The following PDK1 variants were observed in gnomAD, a reference collection of about 807,000 sequenced individuals.
The protein encoded by PDK1 is [Pyruvate dehydrogenase (acetyl-transferring)] kinase isozyme 1, mitochondrial.
A neutral mutation model predicts 54.2 loss-of-function variants in PDK1; 39 were observed. The ratio of observed to expected loss-of-function variants is 0.72; its 90% CI spans 0.56 to 0.94. The LOEUF (loss-of-function observed/expected upper bound fraction) is 0.94. PDK1 is among the 40% of genes least tolerant of loss of function. PDK1 has a pLI of 0.00. For missense variants in PDK1, 552 were observed against 566.0 expected (o/e 0.98, Z 0.25); for synonymous variants, 221 against 207.1 (o/e 1.07, Z -0.58).
chr2:172,676,225 T>C, the PDK1 span, among the ~76,000 whole-genome samples: 1 of 152,158 alleles, frequency 6.6e-6, no homozygotes, highest in Non-Finnish European at 1.5e-5. Flanking sequence ...CTGCAGTCCA[T>C]GGATTCAGGA....
At chr2:172,645,260 CTTTTT>C in the PDK1 span, among the ~76,000 whole-genome samples, 67 of 51,128 alleles carry the variant, frequency 1.3e-3, no homozygotes, top group African/African-American at 3.5e-3. Context: ...ACAAAATAGG[CTTTTT>C]TTTTTTTTTT....
chr2:172,713,941 G>A, the PDK1 span, among the ~76,000 whole-genome samples: 3 of 152,194 alleles, frequency 2.0e-5, no homozygotes, highest in African/African-American at 7.2e-5. Context: ...TTCCTCACAA[G>A]AGCTGCACAG....
chr2:172,555,675 C>G (rs1280310302), upstream of PDK1: 1 of 152,616 alleles, frequency 6.6e-6, no homozygotes, highest in African/African-American at 2.4e-5. Flanking sequence ...CCGCCCTGTC[C>G]TTGAGCCTTT....
chr2:172,658,969 G>T, the PDK1 span, among the ~76,000 whole-genome samples: 4 of 152,234 alleles, frequency 2.6e-5, no homozygotes, highest in African/African-American at 4.8e-5. Flanking sequence ...CCTTTGCCTT[G>T]TGATCTTTAT....
At chr2:172,558,871 T>A in intron 2 of PDK1, 22 bp downstream of exon 2, 1 of 1,600,646 alleles carries the variant, frequency 6.2e-7, no homozygotes, top group Non-Finnish European at 8.5e-7. Flanking sequence ...ATCTTGTGTT[T>A]GCAATTTGAT....
the PDK1 span, among the ~76,000 whole-genome samples, chr2:172,680,394 T>G: frequency 6.6e-6 from 1 of 152,276 alleles, no homozygotes; most frequent in African/African-American, 2.4e-5. Flanking sequence ...CTCTGCTGCC[T>G]AGGCTGGAGT....
chr2:172,640,852 C>G, the PDK1 span, among the ~76,000 whole-genome samples: 1 of 152,174 alleles, frequency 6.6e-6, no homozygotes, highest in African/African-American at 2.4e-5. Context: ...CATGGATACA[C>G]AGTAGCCTTG....
At chr2:172,612,160 GTAAAGACCA>G (rs1177416972), downstream of PDK1, among the ~76,000 whole-genome samples, 1 of 152,182 alleles carries the variant, frequency 6.6e-6, no homozygotes, top group Non-Finnish European at 1.5e-5. Flanking sequence ...GCCTAAGCTA[GTAAAGACCA>G]TTTCTCTTCC....
the PDK1 span, among the ~76,000 whole-genome samples, chr2:172,653,485 C>A: frequency 6.6e-6 from 1 of 152,034 alleles, no homozygotes; most frequent in South Asian, 2.1e-4. Context: ...CACCTGTAAT[C>A]CTGGCTACTT....
chr2:172,584,209 A>G (rs1690079981), intron 8 of PDK1, among the ~76,000 whole-genome samples: 2 of 151,378 alleles, frequency 1.3e-5, no homozygotes, highest in Non-Finnish European at 2.9e-5. Context: ...TGAAAATTAT[A>G]CTGTTTTTTT....
the PDK1 span, among the ~76,000 whole-genome samples, chr2:172,654,277 C>A: frequency 6.6e-6 from 1 of 152,098 alleles, no homozygotes; most frequent in East Asian, 1.9e-4. Context: ...GGGCATATAC[C>A]CAAAGGATTA....
At chr2:172,701,648 G>GTTTT in the PDK1 span, among the ~76,000 whole-genome samples, 1 of 124,862 alleles carries the variant, frequency 8.0e-6, no homozygotes, top group East Asian at 2.3e-4. Context: ...TTTTTGTTTT[G>GTTTT]TTTTTTTTTT....
downstream of PDK1, among the ~76,000 whole-genome samples, chr2:172,612,849 G>A (rs1473317774): frequency 2.0e-5 from 3 of 151,996 alleles, no homozygotes; most frequent in African/African-American, 4.8e-5. Flanking sequence ...TAGTGGAGAC[G>A]GGGTTTCACC....
chr2:172,660,746 A>T, the PDK1 span, among the ~76,000 whole-genome samples: 1 of 151,768 alleles, frequency 6.6e-6, no homozygotes, highest in Admixed American at 6.6e-5. Flanking sequence ...AAATCTGTGG[A>T]CACTTTGGGT....
chr2:172,558,879 G>A (rs2149187123), intron 2 of PDK1, 30 bp downstream of exon 2: 1 of 1,596,918 alleles, frequency 6.3e-7, no homozygotes, highest in Non-Finnish European at 8.5e-7. Context: ...TTTGCAATTT[G>A]ATGGAGTTGT....
chr2:172,570,586 T>C (rs1407121386), intron 7 of PDK1, 140 bp from the exon 8 acceptor site: 2 of 496,960 alleles, frequency 4.0e-6, no homozygotes, highest in Non-Finnish European at 3.5e-6. Context: ...AAAAAAACTT[T>C]AAATGTGGTT....
chr2:172,568,360 G>C (rs1233263812), intron 6 of PDK1, among the ~76,000 whole-genome samples: 3 of 145,384 alleles, frequency 2.1e-5, no homozygotes, highest in Non-Finnish European at 4.5e-5. Flanking sequence ...AGAAGAAGAA[G>C]AATGTATGCA....
At chr2:172,633,867 ATTTTTTTTTT>A in the PDK1 span, among the ~76,000 whole-genome samples, 4 of 68,834 alleles carry the variant, frequency 5.8e-5, no homozygotes, top group Non-Finnish European at 9.7e-5. Flanking sequence ...TTAGTCTATG[ATTTTTTTTTT>A]TTTTTTTTTT....
the PDK1 span, among the ~76,000 whole-genome samples, chr2:172,692,928 G>A: frequency 1.7e-4 from 26 of 152,264 alleles, no homozygotes; most frequent in African/African-American, 6.3e-4. Flanking sequence ...AACCAGATTG[G>A]GTTGGTTCTG....
Sources: gnomAD v4.1 joint callset for allele counts (sites outside exome capture counted in the v4.1 genomes callset) on GRCh38, gnomAD v4.1.1 for gene constraint, MANE v1.5 for transcripts, NCBI Gene and HGNC (gene_info 2026-07-23, HGNC 2026-07-21) for gene names.